Variants in SNX29 observed in about 807,000 individuals in gnomAD.
SNX29 encodes sorting nexin 29, also known as sorting nexin-29.
In SNX29, 78 loss-of-function variants were observed where a neutral mutation model predicts 102.1. The observed-to-expected ratio is 0.76, with a 90% CI of 0.64 to 0.92. The LOEUF (loss-of-function observed/expected upper bound fraction) is 0.92, where lower values mean the gene tolerates loss of function less well. SNX29 is among the 40% of genes least tolerant of loss of function. The pLI is 0.00. For missense variants in SNX29, 1,280 were observed against 1,061.7 expected, an observed-to-expected ratio of 1.21 and a Z score of -2.86; for synonymous variants, 580 against 414.5, an observed-to-expected ratio of 1.40 and a Z score of -4.85.
intron 13 of SNX29, among the ~76,000 whole-genome samples, chr16:12,173,610 C>T (rs1297463788): frequency 6.6e-6 from 1 of 152,134 alleles, no homozygotes; most frequent in African/African-American, 2.4e-5. Context: ...TCAGGAGAAG[C>T]TTATATCTGT....
rs550962215 is a variant in SNX29, at chr16:12,431,259, G to A, written c.2037+27730G>A. ...GGCAAAGGGGGAAGAGGGGAAGAGC[G>A]GGCAGGTAGGAGAAATGGCCCCCTG... On this transcript the variant is annotated intron_variant, in intron 18 of 20. Coordinates refer to ENST00000566228, the MANE Select transcript of SNX29 (RefSeq NM_032167.5). Among the ~76,000 whole-genome samples, 10 of 152,196 alleles carry A rather than the reference G, an allele frequency of 6.6e-5. No individual in the cohort carries two copies. The East Asian group carries it at 7.7e-4, about 12-fold the overall frequency.
At chr16:12,550,090 C>T (rs143471966) in intron 20 of SNX29, among the ~76,000 whole-genome samples, 1 of 152,194 alleles carries the variant, frequency 6.6e-6, no homozygotes, top group Non-Finnish European at 1.5e-5. Context: ...GTTTGCCAAC[C>T]TATGGGCTAG....
chr16:12,110,101 C>T (rs1377489268), intron 11 of SNX29, among the ~76,000 whole-genome samples: 5 of 152,150 alleles, frequency 3.3e-5, no homozygotes, highest in Non-Finnish European at 7.3e-5. Context: ...GAGGCTCCGA[C>T]CCTAAGCTGG....
At chr16:12,394,706 G>C (rs547947540) in intron 16 of SNX29, among the ~76,000 whole-genome samples, 1 of 152,312 alleles carries the variant, frequency 6.6e-6, no homozygotes, top group South Asian at 2.1e-4. Flanking sequence ...TTCTCCACCT[G>C]GAGAAAGCCC....
At chr16:12,537,984 C>CG (rs1491467312) in intron 20 of SNX29, among the ~76,000 whole-genome samples, 1 of 128,006 alleles carries the variant, frequency 7.8e-6, no homozygotes, top group Non-Finnish European at 1.7e-5. Flanking sequence ...AACTCCGTTT[C>CG]AAAAAAAAAA....
At chr16:12,545,232 G>T (rs1242461046) in intron 20 of SNX29, among the ~76,000 whole-genome samples, 1 of 152,164 alleles carries the variant, frequency 6.6e-6, no homozygotes, top group African/African-American at 2.4e-5. Context: ...ACAGGGAAAG[G>T]GCCTCTGTTC....
chr16:12,162,315 T>G (rs1159359893), intron 13 of SNX29, among the ~76,000 whole-genome samples: 1 of 152,208 alleles, frequency 6.6e-6, no homozygotes, highest in African/African-American at 2.4e-5. Context: ...TTATATCACT[T>G]TGACCCTCTG....
intron 20 of SNX29, among the ~76,000 whole-genome samples, chr16:12,538,441 C>G (rs1482005872): frequency 1.3e-5 from 2 of 152,132 alleles, no homozygotes; most frequent in Non-Finnish European, 2.9e-5. Context: ...AGAATGGTTA[C>G]TTGGTTTGGT....
At chr16:12,510,935 C>T (rs761939637) in intron 19 of SNX29, among the ~76,000 whole-genome samples, 6 of 152,046 alleles carry the variant, frequency 3.9e-5, no homozygotes, top group Admixed American at 2.0e-4. Context: ...TGTGGGGAGA[C>T]AGGCTGCCAT....
intron 14 of SNX29, among the ~76,000 whole-genome samples, chr16:12,235,718 A>G (rs557302726): frequency 6.6e-6 from 1 of 152,174 alleles, no homozygotes; most frequent in Non-Finnish European, 1.5e-5. Flanking sequence ...ATTGAAAGGA[A>G]ACTTCATCAG....
chr16:12,250,563 G>T (rs1453791984), intron 14 of SNX29, among the ~76,000 whole-genome samples: 1 of 152,200 alleles, frequency 6.6e-6, no homozygotes, highest in Admixed American at 6.5e-5. Flanking sequence ...CTGGGTACTG[G>T]CTCGAAGCAC....
At chr16:11,981,827 C>A (rs16958792) in intron 1 of SNX29, among the ~76,000 whole-genome samples, 51,674 of 151,962 alleles carry the variant, frequency 0.34, 9,279 homozygotes, top group East Asian at 0.64. Flanking sequence ...GGACACCTGA[C>A]GGAAAGCCTC....
At chr16:12,197,544 C>G (rs2076808038) in intron 13 of SNX29, among the ~76,000 whole-genome samples, 1 of 152,210 alleles carries the variant, frequency 6.6e-6, no homozygotes, top group African/African-American at 2.4e-5. Context: ...GCACTCCAGC[C>G]TGGGCGACAG....
At position 12,012,080 on chromosome 16, in the gene SNX29, G is replaced by C. The variant is rs149281226; in HGVS notation, c.122+9037G>C. The stretch of plus-strand genomic sequence containing the variant: ...TATAGAGTACTATGTTGGCATTGGC[G>C]ATGCAAATTGGATGAGATGGTTGCT... On this transcript the variant is annotated intron_variant, in intron 3 of 20. Coordinates refer to ENST00000566228, the MANE Select transcript of SNX29 (RefSeq NM_032167.5). 1.2e-3 allele frequency among the ~76,000 whole-genome samples: 176 copies of C among 152,284 alleles called. 1 individual carries two copies. Among genetic ancestry groups the C allele is most frequent in the African/African-American group, 4.2e-3 (173 of 41,538 alleles).
At chr16:12,482,189 C>G (rs1324544148) in intron 19 of SNX29, among the ~76,000 whole-genome samples, 2 of 152,248 alleles carry the variant, frequency 1.3e-5, no homozygotes, top group African/African-American at 2.4e-5. Flanking sequence ...AAGGATAACT[C>G]ACTTGTCCGC....
At chr16:12,562,016 C>T (rs952462496) in intron 20 of SNX29, among the ~76,000 whole-genome samples, 5 of 152,186 alleles carry the variant, frequency 3.3e-5, no homozygotes, top group Non-Finnish European at 7.3e-5. Flanking sequence ...CCCAGGAGGC[C>T]TGGCCCCTCA....
At chr16:12,399,844 A>G (rs2083872096) in intron 17 of SNX29, among the ~76,000 whole-genome samples, 1 of 152,054 alleles carries the variant, frequency 6.6e-6, no homozygotes, top group African/African-American at 2.4e-5. Context: ...CAGGGGGAGC[A>G]TGGCATGAAG....
intron 13 of SNX29, among the ~76,000 whole-genome samples, chr16:12,190,162 C>G (rs2076606544): frequency 6.6e-6 from 1 of 152,090 alleles, no homozygotes; most frequent in Admixed American, 6.5e-5. Flanking sequence ...TATAGAGATC[C>G]TCCATCCTCT....
At chr16:12,125,112 G>C (rs1276355635) in intron 11 of SNX29, among the ~76,000 whole-genome samples, 1 of 152,140 alleles carries the variant, frequency 6.6e-6, no homozygotes, top group Non-Finnish European at 1.5e-5. Context: ...ATATTTACCT[G>C]ATCTGTGGAA....
Sources: allele counts gnomAD v4.1 joint callset (sites outside exome capture counted in the v4.1 genomes callset), GRCh38; gene constraint gnomAD v4.1.1; transcripts MANE v1.5; gene names NCBI Gene and HGNC (gene_info 2026-07-23, HGNC 2026-07-21).